Variants in SUMF1 observed in about 807,000 individuals in gnomAD.
SUMF1 encodes sulfatase modifying factor 1, also known as formylglycine-generating enzyme.
In SUMF1, 48 loss-of-function variants were observed where a neutral mutation model predicts 47.6. That is an observed-to-expected ratio of 1.01 (90% confidence interval 0.80 to 1.28). SUMF1 has a LOEUF of 1.28. Ranked by LOEUF, SUMF1 falls within the 50% of genes most tolerant of loss-of-function variation. SUMF1 has a pLI of 0.00. For synonymous variants in SUMF1, 230 were observed against 192.1 expected (o/e 1.20, Z -1.63); for missense variants, 571 against 485.4 (o/e 1.18, Z -1.66).
intron 8 of SUMF1, among the ~76,000 whole-genome samples, chr3:4,298,752 G>A (rs73806988): frequency 0.043 from 6,505 of 152,164 alleles, 459 homozygotes; most frequent in African/African-American, 0.15. Flanking sequence ...TTGGTAAACT[G>A]GACCATGCAT....
chr3:4,308,484 A>T (rs1232204018), intron 8 of SUMF1, among the ~76,000 whole-genome samples: 1 of 152,250 alleles, frequency 6.6e-6, no homozygotes, highest in African/African-American at 2.4e-5. Flanking sequence ...AGAAGAATTG[A>T]AAGAAGCCAA....
At chr3:4,157,694 CTTCT>C (rs1694486519) in intron 8 of SUMF1, among the ~76,000 whole-genome samples, 1 of 151,400 alleles carries the variant, frequency 6.6e-6, no homozygotes, top group African/African-American at 2.4e-5. Flanking sequence ...TCTCTATACG[CTTCT>C]TTATTTATTC....
In SUMF1 at chr3:4,324,504, G is replaced by C. The variant is rs1259372017; in HGVS notation, c.1014+51826C>G. The stretch of plus-strand genomic sequence containing the variant: ...GTAAGCAGGAGAGGGGACAAAAAGA[G>C]GTGGGAGTGAGCATGAGCAGTGAGG... On this transcript the variant is annotated intron_variant and NMD_transcript_variant, in intron 8 of 12. Transcript: ENST00000448413. Among the ~76,000 whole-genome samples the C allele has an allele frequency of 3.9e-5, 6 of 152,256 alleles. No homozygotes were observed. In the East Asian group the frequency reaches 1.2e-3, roughly 29 times the overall value.
intron 8 of SUMF1, among the ~76,000 whole-genome samples, chr3:4,344,378 G>A (rs913701596): frequency 3.6e-4 from 55 of 152,152 alleles, no homozygotes; most frequent in African/African-American, 1.3e-3. Context: ...TCCAGGCACA[G>A]GAGCAAATCA....
At chr3:4,096,566 C>T (rs1692909321) in intron 8 of SUMF1, among the ~76,000 whole-genome samples, 1 of 152,042 alleles carries the variant, frequency 6.6e-6, no homozygotes, top group Non-Finnish European at 1.5e-5. Flanking sequence ...TCTCTGTATA[C>T]AGGTGAAATC....
At chr3:4,291,217 A>G (rs1697736143) in intron 8 of SUMF1, among the ~76,000 whole-genome samples, 1 of 152,214 alleles carries the variant, frequency 6.6e-6, no homozygotes, top group African/African-American at 2.4e-5. Flanking sequence ...AATTTCAATG[A>G]GAAATTTTCA....
chr3:4,068,287 C>T lies in SUMF1; in HGVS notation c.1191+282G>A, dbSNP rs1280130617. Among the ~76,000 whole-genome samples, 55 of 152,022 alleles carry T rather than the reference C, an allele frequency of 3.6e-4. 1 individual carries two copies. Among genetic ancestry groups the T allele is most frequent in the Non-Finnish European group, 1.0e-4 (7 of 67,982 alleles). ...AATGTGTTCTTAAAGATGGCTTCAC[C>T]CCCAATCCTGAGCCACCACAATCAC... On this transcript the variant is annotated intron_variant and NMD_transcript_variant, in intron 9 of 12. Transcript: ENST00000448413.
At chr3:4,200,173 GA>G (rs1331064784) in intron 8 of SUMF1, among the ~76,000 whole-genome samples, 86 of 133,130 alleles carry the variant, frequency 6.5e-4, no homozygotes, top group African/African-American at 2.3e-3. Flanking sequence ...TAAGCATCAA[GA>G]TTTTTTTTTT....
chr3:4,390,806 C>G (rs893228327), intron 7 of SUMF1, among the ~76,000 whole-genome samples: 1 of 152,168 alleles, frequency 6.6e-6, no homozygotes, highest in African/African-American at 2.4e-5. Context: ...TGGTCTTGAA[C>G]TCCTGGGCTC....
intron 8 of SUMF1, among the ~76,000 whole-genome samples, chr3:4,292,398 C>A (rs1021948291): frequency 6.6e-5 from 10 of 152,154 alleles, no homozygotes; most frequent in Admixed American, 1.3e-4. Context: ...TGATGCAGTA[C>A]ATGACAAGAA....
chr3:4,234,213 T>G (rs1290731244), intron 8 of SUMF1, among the ~76,000 whole-genome samples: 3 of 151,992 alleles, frequency 2.0e-5, no homozygotes, highest in Admixed American at 6.6e-5. Context: ...TTCCTCACTT[T>G]TAAAGTCAGA....
At chr3:4,150,117 G>C (rs1014961135) in intron 8 of SUMF1, among the ~76,000 whole-genome samples, 2 of 79,974 alleles carry the variant, frequency 2.5e-5, no homozygotes, top group Admixed American at 3.2e-4. Flanking sequence ...TATTTTGCAG[G>C]GGTCAAGGTC....
intron 8 of SUMF1, among the ~76,000 whole-genome samples, chr3:4,285,678 C>T (rs148852022): frequency 1.6e-4 from 24 of 152,202 alleles, no homozygotes; most frequent in Middle Eastern, 3.4e-3. Flanking sequence ...TTGGGCCTTA[C>T]ACATATTTGT....
intron 8 of SUMF1, among the ~76,000 whole-genome samples, chr3:4,322,484 C>T (rs745642740): frequency 6.6e-6 from 1 of 151,756 alleles, no homozygotes; most frequent in Admixed American, 6.6e-5. Flanking sequence ...TGAAAGTCTA[C>T]GGTAAATGAA....
intron 8 of SUMF1, chr3:4,316,758 A>G: frequency 6.4e-7 from 1 of 1,550,788 alleles, no homozygotes. Context: ...GCACTTCCCA[A>G]AGCCAATCTT....
At chr3:4,147,791 G>C (rs1382119247) in intron 8 of SUMF1, among the ~76,000 whole-genome samples, 1 of 152,102 alleles carries the variant, frequency 6.6e-6, no homozygotes, top group Non-Finnish European at 1.5e-5. Context: ...TAACCCAGCA[G>C]AATGATCATA....
intron 7 of SUMF1, among the ~76,000 whole-genome samples, chr3:4,399,402 G>A (rs1701137141): frequency 6.6e-6 from 1 of 152,170 alleles, no homozygotes; most frequent in Non-Finnish European, 1.5e-5. Context: ...CAAACCATTT[G>A]TGATGACTCA....
Position 4,116,774 on chromosome 3 carries a change from A to G in SUMF1, c.1015-48029T>C, listed in dbSNP as rs941288304. On this transcript the variant is annotated intron_variant and NMD_transcript_variant, in intron 8 of 12. Coordinates refer to the SUMF1 transcript ENST00000448413. ...GAAAATAAGTACTAAACAACTATTT[A>G]CTTCTCACTGGACAATTCCAGCAAT... Among the ~76,000 whole-genome samples the G allele has an allele frequency of 1.6e-4, 24 of 152,090 alleles. 1 individual carries two copies. Among genetic ancestry groups the G allele is most frequent in the African/African-American group, 5.3e-4 (22 of 41,380 alleles).
chr3:4,428,178 T>A (rs1702124323), intron 3 of SUMF1, among the ~76,000 whole-genome samples: 1 of 152,106 alleles, frequency 6.6e-6, no homozygotes, highest in South Asian at 2.1e-4. Context: ...TTACTGAAAG[T>A]GAAAAAAGCC....
Sources: allele counts gnomAD v4.1 joint callset (sites outside exome capture counted in the v4.1 genomes callset), GRCh38; gene constraint gnomAD v4.1.1; transcripts MANE v1.5; gene names NCBI Gene and HGNC (gene_info 2026-07-23, HGNC 2026-07-21).